Variants in ELAVL2 observed in about 807,000 individuals in gnomAD.
The protein encoded by ELAVL2 is ELAV like RNA binding protein 2.
A neutral mutation model predicts 34.6 loss-of-function variants in ELAVL2; 4 were observed. The observed-to-expected ratio is 0.12, with a 90% confidence interval of 0.06 to 0.26. The LOEUF is 0.26. ELAVL2 is among the 10% of genes least tolerant of loss of function. The pLI, the probability that ELAVL2 is intolerant of heterozygous loss-of-function variation, is 1.00. For synonymous variants in ELAVL2, 193 were observed against 154.8 expected (o/e 1.25, Z -1.83); for missense variants, 432 against 442.8 (o/e 0.98, Z 0.22).
At chr9:23,802,654 T>A (rs958740224) in intron 1 of ELAVL2, among the ~76,000 whole-genome samples, 7 of 152,182 alleles carry the variant, frequency 4.6e-5, no homozygotes, top group Non-Finnish European at 7.3e-5. Flanking sequence ...CCTCTGAGAC[T>A]TCCTCATACA....
At chr9:23,713,168 G>C (rs1191946234) in intron 3 of ELAVL2, among the ~76,000 whole-genome samples, 1 of 152,198 alleles carries the variant, frequency 6.6e-6, no homozygotes, top group East Asian at 1.9e-4. Flanking sequence ...CTTGGTTCTA[G>C]TATGAAGTTG....
intron 2 of ELAVL2, among the ~76,000 whole-genome samples, chr9:23,748,149 T>C (rs558115168): frequency 2.7e-5 from 4 of 147,558 alleles, no homozygotes; most frequent in Non-Finnish European, 6.0e-5. Flanking sequence ...TTGACTGTTA[T>C]ATTGATGGGG....
At chr9:23,787,860 T>A (rs2059885265) in intron 1 of ELAVL2, among the ~76,000 whole-genome samples, 1 of 151,886 alleles carries the variant, frequency 6.6e-6, no homozygotes, top group African/African-American at 2.4e-5. Flanking sequence ...CAAACAAGAG[T>A]CAAATAATCA....
At chr9:23,746,057 CCTA>C (rs1263417635) in intron 2 of ELAVL2, among the ~76,000 whole-genome samples, 5 of 151,978 alleles carry the variant, frequency 3.3e-5, no homozygotes, top group African/African-American at 9.7e-5. Flanking sequence ...CTTCACTGCA[CCTA>C]CTATTTTCAA....
intron 1 of ELAVL2, chr9:23,779,283 G>GAAGGTT (rs2058709410): frequency 1.1e-5 from 11 of 985,404 alleles, no homozygotes; most frequent in Non-Finnish European, 1.3e-5. Flanking sequence ...AGAATCCCAT[G>GAAGGTT]AAAACCTGCT....
At chr9:23,752,414 A>G (rs537254215) in intron 2 of ELAVL2, among the ~76,000 whole-genome samples, 1 of 152,102 alleles carries the variant, frequency 6.6e-6, no homozygotes, top group African/African-American at 2.4e-5. Context: ...CTAAGTAACA[A>G]ACCTAGTGTA....
chr9:23,714,894 A>G (rs2041906637), intron 3 of ELAVL2, among the ~76,000 whole-genome samples: 1 of 152,170 alleles, frequency 6.6e-6, no homozygotes, highest in African/African-American at 2.4e-5. Context: ...CTATGAATAC[A>G]TTCGAGAGAC....
At chr9:23,718,181 C>T (rs1357169668) in intron 3 of ELAVL2, among the ~76,000 whole-genome samples, 2 of 152,204 alleles carry the variant, frequency 1.3e-5, no homozygotes, top group South Asian at 4.1e-4. Flanking sequence ...AAATAGGATT[C>T]CTCAAACACC....
intron 4 of ELAVL2, among the ~76,000 whole-genome samples, chr9:23,704,685 G>A (rs1390483098): frequency 6.6e-6 from 1 of 152,130 alleles, no homozygotes; most frequent in Non-Finnish European, 1.5e-5. Context: ...CCATGAAACA[G>A]GCTTCAATCC....
intron 1 of ELAVL2, among the ~76,000 whole-genome samples, chr9:23,812,882 G>T (rs1390133947): frequency 6.6e-6 from 1 of 152,056 alleles, no homozygotes; most frequent in East Asian, 1.9e-4. Flanking sequence ...CGTTATAACT[G>T]GCCTAGCTGA....
At chr9:23,732,804 T>G (rs2046908800) in intron 2 of ELAVL2, among the ~76,000 whole-genome samples, 1 of 152,098 alleles carries the variant, frequency 6.6e-6, no homozygotes, top group South Asian at 2.1e-4. Context: ...CTTCCTTCTC[T>G]CTAAAACGAG....
At chr9:23,825,768 C>G (rs898873179) in intron 1 of ELAVL2, 38 bp downstream of exon 1, 6 of 152,232 alleles carry the variant, frequency 3.9e-5, no homozygotes, top group African/African-American at 1.4e-4. Flanking sequence ...CAGCGCATCG[C>G]TGCAACTAAT....
chr9:23,783,383 A>C (rs866372086), intron 1 of ELAVL2: 2 of 950,560 alleles, frequency 2.1e-6, no homozygotes, highest in Non-Finnish European at 2.5e-6. Flanking sequence ...AGGAAAACCG[A>C]AAGTTAAACT....
At chr9:23,753,317 C>T (rs776722042) in intron 2 of ELAVL2, among the ~76,000 whole-genome samples, 3 of 151,988 alleles carry the variant, frequency 2.0e-5, no homozygotes, top group Non-Finnish European at 2.9e-5. Flanking sequence ...TTTTGAAGCA[C>T]AGTTTTAGCT....
chr9:23,790,068 G>GA (rs375245508), intron 1 of ELAVL2, among the ~76,000 whole-genome samples: 425 of 140,822 alleles, frequency 3.0e-3, no homozygotes, highest in African/African-American at 6.2e-3. Context: ...TAAAAAAGGG[G>GA]AAAAAAAAAA....
chr9:23,837,641 C>A, the ELAVL2 span, among the ~76,000 whole-genome samples: 6 of 152,124 alleles, frequency 3.9e-5, no homozygotes, highest in African/African-American at 1.4e-4. Context: ...AAGTCCTTAG[C>A]CACTATTTAT....
chr9:23,718,417 C>G (rs2042849467), intron 3 of ELAVL2, among the ~76,000 whole-genome samples: 2 of 152,086 alleles, frequency 1.3e-5, no homozygotes, highest in South Asian at 4.1e-4. Context: ...AGTTAGGAAG[C>G]CAGCTCACTT....
At chr9:23,781,693 T>G (rs1048399584) in intron 1 of ELAVL2, among the ~76,000 whole-genome samples, 2 of 151,614 alleles carry the variant, frequency 1.3e-5, no homozygotes, top group Admixed American at 1.3e-4. Context: ...TTTTTAAATC[T>G]TTTTTTGTTT....
chr9:23,808,541 G>A (rs1353409227), intron 1 of ELAVL2, among the ~76,000 whole-genome samples: 2 of 151,950 alleles, frequency 1.3e-5, no homozygotes, highest in African/African-American at 4.8e-5. Context: ...TGAATAGAAG[G>A]ACAATCAAAA....
Sources: allele counts gnomAD v4.1 joint callset (sites outside exome capture counted in the v4.1 genomes callset), GRCh38; gene constraint gnomAD v4.1.1; transcripts MANE v1.5; gene names NCBI Gene and HGNC (gene_info 2026-07-23, HGNC 2026-07-21).